ANKRD33B: variants seen among roughly 807,000 people sequenced by gnomAD.
ANKRD33B encodes the protein ankyrin repeat domain-containing protein 33B.
A neutral mutation model predicts 21.5 loss-of-function variants in ANKRD33B; 6 were observed. The ratio of observed to expected loss-of-function variants is 0.28; its 90% CI spans 0.15 to 0.55. The LOEUF (loss-of-function observed/expected upper bound fraction) is 0.55. ANKRD33B is among the 20% of genes least tolerant of loss of function. ANKRD33B has a pLI of 0.94. For missense variants in ANKRD33B, 698 were observed against 747.2 expected (o/e 0.93, Z 0.77); for synonymous variants, 347 against 342.4 (o/e 1.01, Z -0.15).
At chr5:10,632,696 C>T (rs1736754442) in intron 2 of ANKRD33B, among the ~76,000 whole-genome samples, 1 of 152,250 alleles carries the variant, frequency 6.6e-6, no homozygotes, top group Admixed American at 6.5e-5. Flanking sequence ...AGGCCCCACA[C>T]CAGGCCGCAC....
At chr5:10,615,084 G>A (rs1249072701) in intron 1 of ANKRD33B, among the ~76,000 whole-genome samples, 1 of 152,094 alleles carries the variant, frequency 6.6e-6, no homozygotes, top group South Asian at 2.1e-4. Flanking sequence ...GAAGAGTAGG[G>A]TGGTCCTGAA....
In ANKRD33B at chr5:10,656,122, A is replaced by G. The variant is rs1157570290; in HGVS notation, c.*6009A>G. 5 of 152,084 alleles carry G rather than the reference A, an allele frequency of 3.3e-5. No homozygotes were observed. The highest frequency in any genetic ancestry group is 2.1e-4 in the South Asian group (1 of 4,800). The allele number at this position is 152,084 out of a possible 1,614,324, so 9.4% of individuals were successfully genotyped here. A position where few individuals can be genotyped will look rare whatever the true frequency, so the allele number is the denominator to read the frequency against. On this transcript the variant is annotated 3_prime_UTR_variant, in exon 4 of 4. Transcript: ENST00000296657. ...TGGAACTTGTTTATGCGCTGGTATA[A>G]CTCGAGTCAGCTGCTTATTTCTGTG... is the stretch of plus-strand genomic sequence containing the variant.
intron 1 of ANKRD33B, among the ~76,000 whole-genome samples, chr5:10,596,637 G>A (rs775869234): frequency 1.3e-5 from 2 of 152,300 alleles, no homozygotes; most frequent in Middle Eastern, 3.4e-3. Flanking sequence ...GATATCATTT[G>A]TGAGAACTTC....
At chr5:10,592,547 G>A (rs942071859) in intron 1 of ANKRD33B, among the ~76,000 whole-genome samples, 3 of 151,286 alleles carry the variant, frequency 2.0e-5, no homozygotes, top group South Asian at 2.1e-4. Context: ...GCTTGAACCC[G>A]GGAGGTGGAG....
At chr5:10,620,714 T>C (rs1288410507) in intron 2 of ANKRD33B, among the ~76,000 whole-genome samples, 11 of 152,242 alleles carry the variant, frequency 7.2e-5, no homozygotes, top group Admixed American at 7.2e-4. Flanking sequence ...TTGGCAAGAA[T>C]ATGGCATTGG....
rs1384713612 is a variant in ANKRD33B, at chr5:10,639,516, C to A, written c.637+1348C>A. Among the ~76,000 whole-genome samples, 34 of 5,144 alleles carry A rather than the reference C, an allele frequency of 6.6e-3. 1 individual carries two copies. Among genetic ancestry groups the A allele is most frequent in the South Asian group, 0.023 (2 of 86 alleles). The allele number at this position is 5,144 out of a possible 152,430, so 3.4% of individuals were successfully genotyped here. A position where few individuals can be genotyped will look rare whatever the true frequency, so the allele number is the denominator to read the frequency against. On this transcript the variant is annotated intron_variant, in intron 3 of 3. Transcript: ENST00000296657. ...GCGGCGATGTTAGCGGGTGACGCGG[C>A]GTTGCGCGGCGATGTTAGGCGGTGA...
At chr5:10,618,706 C>A (rs1159509893) in intron 2 of ANKRD33B, among the ~76,000 whole-genome samples, 1 of 152,178 alleles carries the variant, frequency 6.6e-6, no homozygotes, top group African/African-American at 2.4e-5. Context: ...TGAATCTGTA[C>A]CAGAAAGCCA....
At position 10,619,615 on chromosome 5, in the gene ANKRD33B, G is replaced by T. The variant is rs946168498; in HGVS notation, c.496+1153G>T. ...TGGGGGAACTCTTCAAACTTAGAAA[G>T]GGCCAGGGGCTGTGCTAACATGTGT... is the stretch of plus-strand genomic sequence containing the variant. On this transcript the variant is annotated intron_variant, in intron 2 of 3. Coordinates refer to ENST00000296657, the MANE Select transcript of ANKRD33B (RefSeq NM_001164440.2). This position sits in a 1 kb window ranked among gnomAD's most constrained non-coding sequence, Gnocchi z 4.5. Among the ~76,000 whole-genome samples, 9 of 152,132 alleles carry T rather than the reference G, an allele frequency of 5.9e-5. No individual in the cohort carries two copies. Among genetic ancestry groups the T allele is most frequent in the African/African-American group, 1.9e-4 (8 of 41,388 alleles).
intron 3 of ANKRD33B, among the ~76,000 whole-genome samples, chr5:10,642,526 A>G (rs1737083287): frequency 6.6e-6 from 1 of 152,108 alleles, no homozygotes. Context: ...TCCACTTCCC[A>G]TCTCTACACC....
intron 1 of ANKRD33B, among the ~76,000 whole-genome samples, chr5:10,590,809 G>A (rs939599854): frequency 6.6e-6 from 1 of 151,990 alleles, no homozygotes; most frequent in Admixed American, 6.6e-5. Context: ...TCAGCACCCA[G>A]CCTTACTCAG....
In ANKRD33B at chr5:10,633,110, TTTTTC is replaced by T. The variant is rs1292779825; in HGVS notation, c.497-4913_497-4909del. 2.9e-4 allele frequency among the ~76,000 whole-genome samples: 15 copies of T among 51,732 alleles called. 1 individual carries two copies. The highest frequency in any genetic ancestry group is 6.8e-4 in the South Asian group (1 of 1,464). The allele number at this position is 51,732 out of a possible 152,430, so 33.9% of individuals were successfully genotyped here. A position where few individuals can be genotyped will look rare whatever the true frequency, so the allele number is the denominator to read the frequency against. ...GCCAGTTCTCCTCTTTTTTTTTTTT[TTTTTC>T]TTTTTGAGATGGGGTCTTGCTCTGT... On this transcript the variant is annotated intron_variant, in intron 2 of 3. Coordinates refer to ENST00000296657, the MANE Select transcript of ANKRD33B (RefSeq NM_001164440.2).
intron 1 of ANKRD33B, among the ~76,000 whole-genome samples, chr5:10,567,764 A>G (rs1453393557): frequency 6.6e-6 from 1 of 152,180 alleles, no homozygotes; most frequent in African/African-American, 2.4e-5. Flanking sequence ...CGGAGGGAAC[A>G]GTGTGTGCAA....
chr5:10,578,666 T>C (rs960958979), intron 1 of ANKRD33B, among the ~76,000 whole-genome samples: 3 of 152,216 alleles, frequency 2.0e-5, no homozygotes, highest in Non-Finnish European at 4.4e-5. Context: ...TAAGATATGC[T>C]AGAGAAGCTA....
intron 1 of ANKRD33B, among the ~76,000 whole-genome samples, chr5:10,602,187 G>C (rs2126569314): frequency 6.6e-6 from 1 of 152,324 alleles, no homozygotes; most frequent in South Asian, 2.1e-4. Context: ...CACCACCACT[G>C]TCCATCCCGG....
chr5:10,645,698 GT>G (rs1332480925), intron 3 of ANKRD33B, among the ~76,000 whole-genome samples: 2 of 152,144 alleles, frequency 1.3e-5, no homozygotes, highest in Non-Finnish European at 2.9e-5. Context: ...CCCAATATGT[GT>G]TTCAGACAGG....
At chr5:10,604,741 A>G (rs1169711688) in intron 1 of ANKRD33B, among the ~76,000 whole-genome samples, 1 of 152,110 alleles carries the variant, frequency 6.6e-6, no homozygotes, top group African/African-American at 2.4e-5. Context: ...TTAATGAATG[A>G]TCCAGTTCTC....
intron 1 of ANKRD33B, among the ~76,000 whole-genome samples, chr5:10,612,381 C>T (rs550308338): frequency 9.1e-4 from 139 of 152,316 alleles, no homozygotes; most frequent in African/African-American, 3.2e-3. Flanking sequence ...TCTGGGTCCT[C>T]TTGTATAAGG....
chr5:10,586,104 A>G (rs1735553028), intron 1 of ANKRD33B, among the ~76,000 whole-genome samples: 1 of 152,094 alleles, frequency 6.6e-6, no homozygotes, highest in Non-Finnish European at 1.5e-5. Flanking sequence ...CTAATTGCAT[A>G]GCATTTCTTT....
chr5:10,628,078 T>G (rs1423779008), intron 2 of ANKRD33B: 1 of 152,316 alleles, frequency 6.6e-6, no homozygotes, highest in Non-Finnish European at 1.5e-5. Flanking sequence ...GACAGCTCCC[T>G]CTACTGGCCT....
Sources: gnomAD v4.1 joint callset for allele counts (sites outside exome capture counted in the v4.1 genomes callset) on GRCh38, gnomAD v4.1.1 for gene constraint, Gnocchi (gnomAD v3.1) non-coding constraint, MANE v1.5 for transcripts, NCBI Gene and HGNC (gene_info 2026-07-23, HGNC 2026-07-21) for gene names.